FAM81B: variants seen among roughly 807,000 people sequenced by gnomAD.
The protein encoded by FAM81B is protein FAM81B.
FAM81B carries 60 observed loss-of-function variants against 58.7 expected under a neutral mutation model. The ratio of observed to expected loss-of-function variants is 1.02; its 90% CI spans 0.83 to 1.27. FAM81B has a LOEUF of 1.27. Among genes scored for constraint, FAM81B ranks in the 50% most tolerant of loss-of-function variants. The pLI is 0.00. For missense variants in FAM81B, 491 were observed against 522.0 expected, an observed-to-expected ratio of 0.94 and a Z score of 0.58; for synonymous variants, 189 against 179.6, an observed-to-expected ratio of 1.05 and a Z score of -0.42.
intron 3 of FAM81B, among the ~76,000 whole-genome samples, chr5:95,403,000 G>A (rs13170142): frequency 0.23 from 34,281 of 152,154 alleles, 4,113 homozygotes; most frequent in Middle Eastern, 0.29. Context: ...GCTTCTGGAT[G>A]TCTACAGAAC....
At chr5:95,442,917 A>G (rs578095452) in intron 7 of FAM81B, among the ~76,000 whole-genome samples, 1 of 152,310 alleles carries the variant, frequency 6.6e-6, no homozygotes, top group Non-Finnish European at 1.5e-5. Context: ...TTCAAATATG[A>G]TTACAAAAAT....
At chr5:95,431,965 CCAAA>C (rs910855344) in intron 6 of FAM81B, among the ~76,000 whole-genome samples, 1 of 151,732 alleles carries the variant, frequency 6.6e-6, no homozygotes, top group Non-Finnish European at 1.5e-5. Context: ...ACTAATAACC[CCAAA>C]CAATGTTAGA....
chr5:95,434,201 T>C (rs2152768187), intron 6 of FAM81B, among the ~76,000 whole-genome samples: 1 of 152,304 alleles, frequency 6.6e-6, no homozygotes, highest in East Asian at 1.9e-4. Context: ...TCGAGGTGTC[T>C]GCAGAGTTGT....
At chr5:95,443,414 G>A (rs981393050) in intron 7 of FAM81B, among the ~76,000 whole-genome samples, 1 of 151,944 alleles carries the variant, frequency 6.6e-6, no homozygotes, top group African/African-American at 2.4e-5. Context: ...TTAAATGTCT[G>A]ACTTTTGTGT....
chr5:95,418,230 C>T (rs1762586498), intron 4 of FAM81B, among the ~76,000 whole-genome samples: 1 of 152,152 alleles, frequency 6.6e-6, no homozygotes, highest in Non-Finnish European at 1.5e-5. Flanking sequence ...GTTACCAGAT[C>T]AACTGTTCAG....
intron 7 of FAM81B, chr5:95,440,231 G>T: frequency 1.5e-6 from 1 of 685,062 alleles, no homozygotes; most frequent in African/African-American, 1.8e-5. Context: ...GTCTAGCTGT[G>T]AGGCTTGAAT....
At chr5:95,430,017 T>C (rs984918786) in intron 6 of FAM81B, among the ~76,000 whole-genome samples, 4 of 152,174 alleles carry the variant, frequency 2.6e-5, no homozygotes, top group Admixed American at 2.0e-4. Context: ...CCTTCTAATG[T>C]GTTAATACAT....
In FAM81B at chr5:95,392,903, T is replaced by G. The variant is rs367925254; in HGVS notation, c.228+6T>G. On this transcript the variant is annotated splice_donor_region_variant and intron_variant, in intron 2 of 9. Coordinates refer to ENST00000283357, the MANE Select transcript of FAM81B (RefSeq NM_152548.3). ...ACAATAACCAAGAAAAGAAAGCAAG[T>G]ACTTTTCAATATTCACATTAAAAGT... The G allele has an allele frequency of 3.9e-4, 629 of 1,594,742 alleles. 2 individuals are homozygous for G. The highest frequency in any genetic ancestry group is 5.2e-4 in the Non-Finnish European group (613 of 1,170,644).
chr5:95,406,357 T>C (rs1054566999), intron 3 of FAM81B: 4 of 153,636 alleles, frequency 2.6e-5, no homozygotes, highest in African/African-American at 9.6e-5. Context: ...ATTTTATATA[T>C]ATTAGGTACC....
At chr5:95,446,474 C>T (rs1488534251) in intron 7 of FAM81B, 88 bp from the exon 8 acceptor site, 1 of 1,266,376 alleles carries the variant, frequency 7.9e-7, no homozygotes, top group Non-Finnish European at 1.1e-6. Context: ...TGAGTCTCGT[C>T]ACCTCAAAAA....
At chr5:95,397,013 G>A (rs1396970238) in intron 3 of FAM81B, 4 of 152,184 alleles carry the variant, frequency 2.6e-5, no homozygotes, top group Non-Finnish European at 5.9e-5. Context: ...CCAAATGAAT[G>A]AAATGAGTTC....
At chr5:95,415,143 A>G (rs1464459502) in intron 4 of FAM81B, among the ~76,000 whole-genome samples, 2 of 152,232 alleles carry the variant, frequency 1.3e-5, no homozygotes, top group Admixed American at 1.3e-4. Context: ...ATGCTTGTGT[A>G]AGAGGTCTTC....
At chr5:95,403,665 T>C (rs1327908584) in intron 3 of FAM81B, among the ~76,000 whole-genome samples, 1 of 152,188 alleles carries the variant, frequency 6.6e-6, no homozygotes, top group African/African-American at 2.4e-5. Context: ...TTTTTCCTCA[T>C]GATCACAAGA....
intron 3 of FAM81B, among the ~76,000 whole-genome samples, chr5:95,409,708 C>T (rs180858510): frequency 1.3e-5 from 2 of 152,326 alleles, no homozygotes; most frequent in Non-Finnish European, 2.9e-5. Flanking sequence ...TCCACACACA[C>T]TGATCCTTGT....
chr5:95,413,619 T>C (rs1202401674), intron 3 of FAM81B, among the ~76,000 whole-genome samples: 5 of 152,202 alleles, frequency 3.3e-5, no homozygotes, highest in South Asian at 2.1e-4. Context: ...TTTATAGTTA[T>C]AAAAACTTAA....
intron 3 of FAM81B, among the ~76,000 whole-genome samples, chr5:95,413,213 A>G (rs1762449651): frequency 6.6e-6 from 1 of 152,198 alleles, no homozygotes; most frequent in Non-Finnish European, 1.5e-5. Flanking sequence ...GAAACACTCA[A>G]AACATTGAGA....
intron 5 of FAM81B, among the ~76,000 whole-genome samples, chr5:95,423,825 C>T (rs1194226492): frequency 6.6e-6 from 1 of 152,122 alleles, no homozygotes; most frequent in African/African-American, 2.4e-5. Flanking sequence ...GACATTTGGA[C>T]TGATACAGTC....
At chr5:95,435,835 G>A (rs762452756) in intron 6 of FAM81B, among the ~76,000 whole-genome samples, 13 of 151,900 alleles carry the variant, frequency 8.6e-5, no homozygotes, top group Non-Finnish European at 1.9e-4. Context: ...ATAATAAATT[G>A]CCTATTATTT....
chr5:95,443,088 A>C (rs1191532915), intron 7 of FAM81B, among the ~76,000 whole-genome samples: 6 of 152,148 alleles, frequency 3.9e-5, no homozygotes, highest in Non-Finnish European at 8.8e-5. Context: ...TTTTTAACAC[A>C]AGACATTGGT....
Sources: allele counts gnomAD v4.1 joint callset (sites outside exome capture counted in the v4.1 genomes callset), GRCh38; gene constraint gnomAD v4.1.1; transcripts MANE v1.5; gene names NCBI Gene and HGNC (gene_info 2026-07-23, HGNC 2026-07-21).